The following CMIP variants were observed in gnomAD, a reference collection of about 807,000 sequenced individuals.
CMIP encodes the protein c-Maf inducing protein.
A neutral mutation model predicts 97.3 loss-of-function variants in CMIP; 13 were observed. That is an observed-to-expected ratio of 0.13 (90% CI 0.09 to 0.21). CMIP has a LOEUF of 0.21. CMIP is among the 10% of genes least tolerant of loss of function. The probability of loss-of-function intolerance (pLI) is 1.00; values close to 1 mark genes in which losing one functional copy is unlikely to be tolerated. For missense variants in CMIP, 847 were observed against 1,024.9 expected, an observed-to-expected ratio of 0.83 and a Z score of 2.37; for synonymous variants, 538 against 436.3, an observed-to-expected ratio of 1.23 and a Z score of -2.91.
At chr16:81,486,852 A>T (rs868538816) in intron 1 of CMIP, among the ~76,000 whole-genome samples, 28 of 152,344 alleles carry the variant, frequency 1.8e-4, no homozygotes, top group African/African-American at 6.5e-4. Context: ...GTTCTTGGCC[A>T]TTTTCCCCTC....
At chr16:81,460,812 C>T (rs184248139) in intron 1 of CMIP, among the ~76,000 whole-genome samples, 1 of 152,116 alleles carries the variant, frequency 6.6e-6, no homozygotes, top group South Asian at 2.1e-4. Context: ...TGAAAATTTG[C>T]CCCCTGCAAA....
intron 1 of CMIP, among the ~76,000 whole-genome samples, chr16:81,554,378 G>GA (rs1396676288): frequency 6.6e-6 from 1 of 152,216 alleles, no homozygotes; most frequent in Non-Finnish European, 1.5e-5. Flanking sequence ...CTGCTTCAGA[G>GA]AGTTGGGCAG....
chr16:81,612,448 T>A (rs1327055496), intron 2 of CMIP, among the ~76,000 whole-genome samples: 3 of 152,180 alleles, frequency 2.0e-5, no homozygotes, highest in Non-Finnish European at 4.4e-5. Context: ...TGGGTTCCTT[T>A]CTTACTGGAA....
chr16:81,604,466 G>A (rs529386074), intron 1 of CMIP, among the ~76,000 whole-genome samples: 40 of 150,270 alleles, frequency 2.7e-4, no homozygotes, highest in Non-Finnish European at 4.7e-4. Flanking sequence ...TTGGGAGACC[G>A]AAGCAGGTGG....
chr16:81,465,737 G>A (rs763642425), intron 1 of CMIP, among the ~76,000 whole-genome samples: 4 of 152,220 alleles, frequency 2.6e-5, no homozygotes, highest in South Asian at 2.1e-4. Flanking sequence ...GACCCAGCAC[G>A]GTGAGCTGTC....
chr16:81,617,034 A>C (rs1301867808), intron 2 of CMIP: 5 of 152,332 alleles, frequency 3.3e-5, no homozygotes, highest in African/African-American at 1.2e-4. Flanking sequence ...AACCATCTGG[A>C]TGTGAGCTCG....
intron 1 of CMIP, among the ~76,000 whole-genome samples, chr16:81,498,956 A>AC (rs2089545387): frequency 6.6e-6 from 1 of 152,192 alleles, no homozygotes; most frequent in Non-Finnish European, 1.5e-5. Context: ...ATTTAGTAGG[A>AC]CCCCATGTAC....
At chr16:81,500,648 C>A (rs751136516) in intron 1 of CMIP, among the ~76,000 whole-genome samples, 243 of 151,844 alleles carry the variant, frequency 1.6e-3, no homozygotes, top group Non-Finnish European at 3.1e-3. Flanking sequence ...GCCACCACAT[C>A]CAGCTAATTT....
At chr16:81,626,975 G>C (rs994346029) in intron 3 of CMIP, among the ~76,000 whole-genome samples, 21 of 136,430 alleles carry the variant, frequency 1.5e-4, no homozygotes, top group Admixed American at 3.7e-4. Flanking sequence ...GGCATATGGG[G>C]CGACTATTTT....
In CMIP at chr16:81,614,912, G is replaced by T. The variant is rs934045642; in HGVS notation, c.427-5964G>T. ...GTGTGTGTGTCCTGTGTCTATATGT[G>T]GTGTGCATAGTGTGTATCTCTGTGT... On this transcript the variant is annotated intron_variant, in intron 2 of 20. Transcript: ENST00000537098. The surrounding 1 kb of genome is among the most constrained non-coding windows in gnomAD (Gnocchi z 5.3). 2.0e-5 allele frequency among the ~76,000 whole-genome samples: 3 copies of T among 150,440 alleles called. No homozygotes were observed. The highest frequency in any genetic ancestry group is 7.3e-5 in the African/African-American group (3 of 40,820).
chr16:81,472,423 C>T (rs1907615358), intron 1 of CMIP, among the ~76,000 whole-genome samples: 2 of 152,220 alleles, frequency 1.3e-5, no homozygotes, highest in Admixed American at 1.3e-4. Flanking sequence ...TTCTGGTATC[C>T]TGTGTGTGGC....
intron 3 of CMIP, among the ~76,000 whole-genome samples, chr16:81,642,672 G>T (rs1435668621): frequency 6.6e-6 from 1 of 152,154 alleles, no homozygotes; most frequent in Non-Finnish European, 1.5e-5. Flanking sequence ...GGGCGCGGTG[G>T]CTCTCCTGAG....
At chr16:81,683,911 C>T (rs532680670) in intron 10 of CMIP, among the ~76,000 whole-genome samples, 4 of 151,582 alleles carry the variant, frequency 2.6e-5, no homozygotes, top group South Asian at 2.1e-4. Context: ...CAGGCATCTA[C>T]CGCCTAGCCC....
intron 3 of CMIP, among the ~76,000 whole-genome samples, chr16:81,624,481 T>C (rs1298782651): frequency 7.0e-6 from 1 of 142,440 alleles, no homozygotes. Context: ...AGTGCGAGAC[T>C]CCGTCTCAAA....
At chr16:81,544,408 G>C (rs1217189495) in intron 1 of CMIP, among the ~76,000 whole-genome samples, 1 of 151,606 alleles carries the variant, frequency 6.6e-6, no homozygotes, top group East Asian at 1.9e-4. Flanking sequence ...ATAGGACTCT[G>C]TCTCATCCTC....
At chr16:81,501,430 C>T (rs1426913172) in intron 1 of CMIP, among the ~76,000 whole-genome samples, 2 of 152,130 alleles carry the variant, frequency 1.3e-5, no homozygotes, top group Non-Finnish European at 2.9e-5. Context: ...TATCGGGCTC[C>T]TTGCACTCCT....
intron 1 of CMIP, among the ~76,000 whole-genome samples, chr16:81,449,036 G>A (rs936311471): frequency 6.6e-6 from 1 of 152,258 alleles, no homozygotes; most frequent in African/African-American, 2.4e-5. Flanking sequence ...TCGTCTGTGG[G>A]TTGAATTTGA....
intron 1 of CMIP, among the ~76,000 whole-genome samples, chr16:81,541,255 G>A (rs1042583359): frequency 6.6e-6 from 1 of 152,038 alleles, no homozygotes; most frequent in African/African-American, 2.4e-5. Flanking sequence ...AAAGTATATG[G>A]TATAATTTTA....
chr16:81,520,889 C>G (rs1386118188), intron 1 of CMIP, among the ~76,000 whole-genome samples: 1 of 152,140 alleles, frequency 6.6e-6, no homozygotes, highest in Non-Finnish European at 1.5e-5. Flanking sequence ...ATCCTGGTGC[C>G]TGGGTCTCCC....
Sources: gnomAD v4.1 joint callset for allele counts (sites outside exome capture counted in the v4.1 genomes callset) on GRCh38, gnomAD v4.1.1 for gene constraint, Gnocchi (gnomAD v3.1) non-coding constraint, MANE v1.5 for transcripts, NCBI Gene and HGNC (gene_info 2026-07-23, HGNC 2026-07-21) for gene names.